Variants in FRAS1 observed in about 807,000 individuals in gnomAD.
The protein encoded by FRAS1 is extracellular matrix organizing protein FRAS1.
Under a neutral mutation model 435.2 loss-of-function variants are expected in FRAS1, and 290 were observed. The ratio of observed to expected loss-of-function variants is 0.67; its 90% CI spans 0.61 to 0.73. The LOEUF (loss-of-function observed/expected upper bound fraction) is 0.73. Ranked by LOEUF, FRAS1 falls within the 30% of genes least tolerant of loss-of-function variation. The pLI is 0.00. For synonymous variants in FRAS1, 1,800 were observed against 1,851.0 expected (o/e 0.97, Z 0.71); for missense variants, 4,860 against 5,001.5 (o/e 0.97, Z 0.85).
chr4:78,507,565 A>G lies in FRAS1; in HGVS notation c.9461A>G (p.Asp3154Gly), dbSNP rs1331823500. Residue 3154 changes from aspartate to glycine, a missense_variant, in exon 62 of 74, where the codon GAC becomes GGC. Physicochemically the swap from Asp to Gly is moderately conservative, Grantham distance 94 (BLOSUM62 -1). Coordinates refer to ENST00000512123, the MANE Select transcript of FRAS1 (RefSeq NM_025074.7). ...ACTACTGCCACGGTGACAATTCTAG[A>G]CCAGGAGGCAGCAGGGAGCCTCATA... Reference protein sequence around the residue: ...DVTTATVTILDQEAAGSLILP... With the variant: ...DVTTATVTILGQEAAGSLILP... The G allele has an allele frequency of 1.2e-6, 2 of 1,608,152 alleles. No individual in the cohort carries two copies. The highest frequency in any genetic ancestry group is 1.1e-5 in the South Asian group (1 of 89,420).
At chr4:78,058,195 G>A (rs1739570480) in intron 1 of FRAS1, 110 bp downstream of exon 1, 2 of 976,612 alleles carry the variant, frequency 2.0e-6, no homozygotes, top group Non-Finnish European at 1.5e-6. Flanking sequence ...GTATTTCGGT[G>A]AGGTGGAAGT....
intron 9 of FRAS1, among the ~76,000 whole-genome samples, chr4:78,278,052 G>T (rs952800658): frequency 6.6e-6 from 1 of 152,128 alleles, no homozygotes; most frequent in Non-Finnish European, 1.5e-5. Context: ...GCCCGCCTCG[G>T]CCTCCCAAAG....
chr4:78,100,394 G>A (rs1334216062), intron 2 of FRAS1, among the ~76,000 whole-genome samples: 1 of 152,220 alleles, frequency 6.6e-6, no homozygotes, highest in Non-Finnish European at 1.5e-5. Context: ...TGGCTTTCCT[G>A]CAGTTGCTCC....
At chr4:78,089,885 C>A (rs202246100) in intron 2 of FRAS1, among the ~76,000 whole-genome samples, 3 of 141,076 alleles carry the variant, frequency 2.1e-5, no homozygotes, top group African/African-American at 7.7e-5. Flanking sequence ...CCAATAGTTA[C>A]TTTTTCTGCT....
intron 5 of FRAS1, among the ~76,000 whole-genome samples, chr4:78,254,910 T>C (rs1725717463): frequency 6.6e-6 from 1 of 152,036 alleles, no homozygotes; most frequent in African/African-American, 2.4e-5. Flanking sequence ...ACTTGGTGCA[T>C]AGGGCGCATG....
chr4:78,178,335 C>T (rs1169759864), intron 2 of FRAS1, among the ~76,000 whole-genome samples: 1 of 152,136 alleles, frequency 6.6e-6, no homozygotes, highest in Non-Finnish European at 1.5e-5. Context: ...TGTTCTATTC[C>T]AGGTCCAAGA....
intron 14 of FRAS1, among the ~76,000 whole-genome samples, chr4:78,304,259 A>C (rs925115563): frequency 1.3e-5 from 2 of 152,154 alleles, no homozygotes; most frequent in African/African-American, 4.8e-5. Context: ...TTGGTTTGCC[A>C]GTATTTTATT....
At position 78,424,372 on chromosome 4, in the gene FRAS1, T is replaced by C. The variant is rs763845556; in HGVS notation, c.4679-16T>C. ...CAAAGTGTTTAATATACTGATTGTC[T>C]CTCTTACTCTTTTAGGTCTCCCAGA... is the stretch of plus-strand genomic sequence containing the variant. On this transcript the variant is annotated splice_polypyrimidine_tract_variant and intron_variant, in intron 34 of 73. Transcript: ENST00000512123. 1.4e-6 allele frequency: 2 copies of C among 1,432,172 alleles called. No homozygotes were observed. 88.7% of individuals were successfully genotyped at this position (1,432,172 alleles called of 1,614,324 possible).
Position 78,540,621 on chromosome 4 carries a change from G to T in FRAS1, c.11536G>T (p.Ala3846Ser). 2 of 1,579,508 alleles carry T rather than the reference G, an allele frequency of 1.3e-6. No homozygotes were observed. Among genetic ancestry groups the T allele is most frequent in the Non-Finnish European group, 1.7e-6 (2 of 1,162,302 alleles). Residue 3846 changes from alanine to serine, a missense_variant, in exon 74 of 74, where the codon GCT becomes TCT. By Grantham distance (99) the Ala-to-Ser change is moderately conservative. Transcript: ENST00000512123. ...GCCCCGGGTCCAGCGCTCTCTCACA[G>T]CTCCACTCAGACGCAACCGAAGGGA... Reference protein sequence around the residue: ...SGPRVQRSLTAPLRRNRRDLV... With the variant: ...SGPRVQRSLTSPLRRNRRDLV...
At chr4:78,088,227 G>A (rs909287674) in intron 2 of FRAS1, among the ~76,000 whole-genome samples, 2 of 152,210 alleles carry the variant, frequency 1.3e-5, no homozygotes, top group African/African-American at 4.8e-5. Flanking sequence ...CTAGCCATAT[G>A]TAGAAAGCTG....
Position 78,531,414 on chromosome 4 carries a change from T to G in FRAS1, c.10926-3035T>G, listed in dbSNP as rs980120207. Among the ~76,000 whole-genome samples the G allele has an allele frequency of 4.6e-5, 7 of 152,238 alleles. No homozygotes were observed. The South Asian group carries it at 6.2e-4, about 14-fold the overall frequency. ...GGTGAGAGAGGGCATCCTTGTCTTG[T>G]GCAGGTTTTCAAAGGGAATGCTTCC... On this transcript the variant is annotated intron_variant, in intron 70 of 73. Transcript: ENST00000512123.
At chr4:78,118,529 TC>T (rs1010006755) in intron 2 of FRAS1, among the ~76,000 whole-genome samples, 21 of 152,172 alleles carry the variant, frequency 1.4e-4, no homozygotes, top group Admixed American at 1.0e-3. Context: ...TGGGCACCCC[TC>T]CCCCAGCCTC....
chr4:78,187,931 G>A (rs1722343751), intron 2 of FRAS1, among the ~76,000 whole-genome samples: 1 of 152,118 alleles, frequency 6.6e-6, no homozygotes, highest in African/African-American at 2.4e-5. Flanking sequence ...GACAGCATCA[G>A]CATTTGATTT....
At chr4:78,112,680 C>G (rs773383913) in intron 2 of FRAS1, among the ~76,000 whole-genome samples, 89 of 152,032 alleles carry the variant, frequency 5.9e-4, no homozygotes, top group Admixed American at 2.0e-3. Context: ...AATGGCCAAA[C>G]CAAAACAATC....
chr4:78,265,201 A>T, intron 7 of FRAS1, 93 bp downstream of exon 7: 1 of 699,490 alleles, frequency 1.4e-6, no homozygotes, highest in South Asian at 2.0e-5. Context: ...CACCACCCTC[A>T]TGTCTGACTC....
Position 78,511,344 on chromosome 4 carries a change from G to A in FRAS1, c.9851G>A (p.Gly3284Asp), listed in dbSNP as rs1389717888. ...GTGGCCAAGGCTGTGGACAAGGTGG[G>A]CCATGTGGGGACCCCCTTAAGGAGC... ...RCVAKAVDKV[G>D]HVGTPLRSNI... The change falls in exon 64 of 74, where the codon GGC becomes GAC. Residue 3284 changes from glycine to aspartate, a missense_variant. By Grantham distance (94) the Gly-to-Asp change is moderately conservative. Transcript: ENST00000512123. 1.2e-6 allele frequency: 2 copies of A among 1,613,680 alleles called. No homozygotes were observed. Among genetic ancestry groups the A allele is most frequent in the East Asian group, 2.2e-5 (1 of 44,862 alleles).
intron 60 of FRAS1, among the ~76,000 whole-genome samples, chr4:78,498,233 G>A (rs1038513328): frequency 2.6e-5 from 4 of 152,168 alleles, no homozygotes; most frequent in Non-Finnish European, 5.9e-5. Context: ...AAAAAGGCCG[G>A]GTGCAGTGGC....
At chr4:78,519,183 GTAA>G in intron 66 of FRAS1, 145 bp from the exon 67 acceptor site, 1 of 403,826 alleles carries the variant, frequency 2.5e-6, no homozygotes, top group Non-Finnish European at 4.2e-6. Flanking sequence ...TTTTAAATAA[GTAA>G]GTGCAATCAT....
At chr4:78,142,423 T>C (rs149718350) in intron 2 of FRAS1, among the ~76,000 whole-genome samples, 148 of 151,998 alleles carry the variant, frequency 9.7e-4, no homozygotes, top group African/African-American at 3.2e-3. Context: ...TAAAATATTC[T>C]GTACTCAAGC....
Sources: gnomAD v4.1 joint callset for allele counts (sites outside exome capture counted in the v4.1 genomes callset) on GRCh38, gnomAD v4.1.1 for gene constraint, MANE v1.5 for transcripts, NCBI Gene and HGNC (gene_info 2026-07-23, HGNC 2026-07-21) for gene names.